LINGO2: variants seen among roughly 807,000 people sequenced by gnomAD.
LINGO2 encodes leucine rich repeat and Ig domain containing 2, also known as leucine-rich repeat and immunoglobulin-like domain-containing nogo receptor-interacting protein 2.
A neutral mutation model predicts 30.6 loss-of-function variants in LINGO2; 14 were observed. That is an observed-to-expected ratio of 0.46 (90% confidence interval 0.30 to 0.72). LINGO2 has a LOEUF of 0.72. Ranked by LOEUF, LINGO2 falls within the 30% of genes least tolerant of loss-of-function variation. The probability of loss-of-function intolerance (pLI) is 0.07; values close to 1 mark genes in which losing one functional copy is unlikely to be tolerated. For missense variants in LINGO2, 729 were observed against 751.7 expected, an observed-to-expected ratio of 0.97 and a Z score of 0.35; for synonymous variants, 317 against 288.5, an observed-to-expected ratio of 1.10 and a Z score of -1.00.
chr9:28,151,142 A>C (rs1827988438), intron 4 of LINGO2, among the ~76,000 whole-genome samples: 1 of 152,208 alleles, frequency 6.6e-6, no homozygotes, highest in African/African-American at 2.4e-5. Context: ...AGAAAAACCT[A>C]AATAAGACCC....
chr9:28,008,010 G>A lies in LINGO2; in HGVS notation c.-36+4345C>T, dbSNP rs190850218. ...AGCTTAGATGGTGAAGATGACCAGC[G>A]CATGTTTACTGAATGACCACTTTTT... On this transcript the variant is annotated intron_variant, in intron 5 of 5. Coordinates refer to ENST00000379992, the Ensembl canonical transcript of LINGO2. Among the ~76,000 whole-genome samples the A allele has an allele frequency of 3.3e-5, 5 of 152,230 alleles. No homozygotes were observed. In the East Asian group the frequency reaches 5.8e-4, roughly 18 times the overall value.
chr9:28,835,125 C>T, the LINGO2 span, among the ~76,000 whole-genome samples: 1 of 152,178 alleles, frequency 6.6e-6, no homozygotes, highest in Non-Finnish European at 1.5e-5. Context: ...GCAGACAACA[C>T]TGGCCAGGTG....
At chr9:28,785,324 A>G in the LINGO2 span, among the ~76,000 whole-genome samples, 1 of 152,176 alleles carries the variant, frequency 6.6e-6, no homozygotes, top group South Asian at 2.1e-4. Context: ...ATCCTGCAGC[A>G]TGATAGGACC....
intron 4 of LINGO2, among the ~76,000 whole-genome samples, chr9:28,246,356 G>A (rs1005611875): frequency 2.0e-5 from 3 of 152,002 alleles, no homozygotes; most frequent in Admixed American, 1.3e-4. Flanking sequence ...CCCAGGGGGA[G>A]GCGGAGTTTG....
chr9:28,095,748 G>C (rs1159613796), intron 4 of LINGO2, among the ~76,000 whole-genome samples: 1 of 152,070 alleles, frequency 6.6e-6, no homozygotes, highest in Non-Finnish European at 1.5e-5. Flanking sequence ...CACAGCAAAG[G>C]AAACTACCAT....
intron 4 of LINGO2, among the ~76,000 whole-genome samples, chr9:28,228,077 C>G (rs576246057): frequency 3.9e-5 from 6 of 151,934 alleles, no homozygotes; most frequent in Non-Finnish European, 7.4e-5. Context: ...ATGATTCCAT[C>G]TAATTACAAA....
At chr9:28,942,375 G>A in the LINGO2 span, among the ~76,000 whole-genome samples, 1 of 152,156 alleles carries the variant, frequency 6.6e-6, no homozygotes, top group Non-Finnish European at 1.5e-5. Context: ...AGTAAGTGAT[G>A]GGGGTGCCAG....
chr9:28,355,283 C>CTG (rs1564145506), intron 3 of LINGO2, among the ~76,000 whole-genome samples: 4,126 of 109,722 alleles, frequency 0.038, 267 homozygotes, highest in African/African-American at 0.12. Flanking sequence ...GTCTCTGTCT[C>CTG]TCTCTCTCTC....
At chr9:28,475,203 T>C (rs761203619) in intron 2 of LINGO2, among the ~76,000 whole-genome samples, 109 of 152,206 alleles carry the variant, frequency 7.2e-4, no homozygotes, top group Non-Finnish European at 9.6e-4. Context: ...ATAAGCTATT[T>C]ATACCTATAA....
chr9:28,630,344 CT>C (rs1297143659), intron 1 of LINGO2, among the ~76,000 whole-genome samples: 1 of 151,998 alleles, frequency 6.6e-6, no homozygotes, highest in African/African-American at 2.4e-5. Flanking sequence ...ATTGGCTCAT[CT>C]TTTTTTCTAT....
chr9:28,848,366 TGTGTG>T, the LINGO2 span, among the ~76,000 whole-genome samples: 1 of 54,066 alleles, frequency 1.8e-5, no homozygotes, highest in African/African-American at 1.2e-4. Context: ...ACATATATTG[TGTGTG>T]TGTGTGTGTG....
intron 4 of LINGO2, among the ~76,000 whole-genome samples, chr9:28,197,055 T>C (rs1820039715): frequency 6.6e-6 from 1 of 151,988 alleles, no homozygotes; most frequent in African/African-American, 2.4e-5. Context: ...GGAATTGGAA[T>C]GCTCCTAACA....
chr9:28,226,827 G>A (rs1038595751), intron 4 of LINGO2, among the ~76,000 whole-genome samples: 73 of 152,106 alleles, frequency 4.8e-4, no homozygotes, highest in African/African-American at 1.7e-3. Context: ...GGCTATCCAG[G>A]AGGAGTGTAG....
At chr9:29,116,583 T>C in the LINGO2 span, among the ~76,000 whole-genome samples, 1 of 152,046 alleles carries the variant, frequency 6.6e-6, no homozygotes, top group African/African-American at 2.4e-5. Flanking sequence ...TTTTGGGTGG[T>C]GCCTGATTTT....
the LINGO2 span, among the ~76,000 whole-genome samples, chr9:29,063,073 A>G: frequency 1.3e-4 from 20 of 152,124 alleles, no homozygotes; most frequent in African/African-American, 4.3e-4. Context: ...CTATGAGGGG[A>G]AACAATTGAT....
Position 28,035,126 on chromosome 9 carries a change from T to C in LINGO2, c.-86-22721A>G, listed in dbSNP as rs370698178. Among the ~76,000 whole-genome samples, 28 of 152,350 alleles carry C rather than the reference T, an allele frequency of 1.8e-4. No individual in the cohort carries two copies. The South Asian group carries it at 4.8e-3, about 26-fold the overall frequency. On this transcript the variant is annotated intron_variant, in intron 4 of 5. Coordinates refer to ENST00000379992, the Ensembl canonical transcript of LINGO2. ...GCATTAGCTTGCAGCACCTACACTC[T>C]AGAAAAATCAACCCTCAGGGTCTTT...
At chr9:28,928,945 A>C in the LINGO2 span, among the ~76,000 whole-genome samples, 6 of 152,142 alleles carry the variant, frequency 3.9e-5, no homozygotes, top group Non-Finnish European at 8.8e-5. Flanking sequence ...CGGAAACAGC[A>C]TGTGAATAGG....
chr9:28,426,093 G>T (rs1262662929), intron 2 of LINGO2, among the ~76,000 whole-genome samples: 2 of 152,006 alleles, frequency 1.3e-5, no homozygotes, highest in Non-Finnish European at 2.9e-5. Context: ...TACTTAAAAT[G>T]AAATTCTTCT....
the LINGO2 span, among the ~76,000 whole-genome samples, chr9:29,124,628 A>C: frequency 6.6e-6 from 1 of 152,204 alleles, no homozygotes; most frequent in Non-Finnish European, 1.5e-5. Context: ...TTCTCAAAAG[A>C]AGACATTTAT....
Sources: gnomAD v4.1 joint callset for allele counts (sites outside exome capture counted in the v4.1 genomes callset) on GRCh38, gnomAD v4.1.1 for gene constraint, MANE v1.5 for transcripts, NCBI Gene and HGNC (gene_info 2026-07-23, HGNC 2026-07-21) for gene names.